The following GBF1 variants were observed in gnomAD, a reference collection of about 807,000 sequenced individuals.
GBF1 encodes the protein Golgi-specific brefeldin A-resistance guanine nucleotide exchange factor 1.
GBF1 carries 114 observed loss-of-function variants against 210.5 expected under a neutral mutation model. The ratio of observed to expected loss-of-function variants is 0.54; its 90% CI spans 0.47 to 0.63. The LOEUF (loss-of-function observed/expected upper bound fraction) is 0.63, where lower values mean the gene tolerates loss of function less well. GBF1 is among the 30% of genes least tolerant of loss of function. The pLI is 0.00. For missense variants in GBF1, 1,851 were observed against 2,357.7 expected, an observed-to-expected ratio of 0.79 and a Z score of 4.45; for synonymous variants, 850 against 889.2, an observed-to-expected ratio of 0.96 and a Z score of 0.78.
the GBF1 span, chr10:102,232,042 G>A: frequency 6.2e-7 from 1 of 1,605,596 alleles, no homozygotes; most frequent in Non-Finnish European, 8.5e-7. Flanking sequence ...ACAGGGCAGG[G>A]CTCCGGGCCT....
At chr10:102,287,327 T>G (rs1243372292) in intron 3 of GBF1, among the ~76,000 whole-genome samples, 3 of 147,844 alleles carry the variant, frequency 2.0e-5, no homozygotes, top group Non-Finnish European at 4.5e-5. Flanking sequence ...TTCACACAGT[T>G]TCTTTTATTT....
intron 3 of GBF1, among the ~76,000 whole-genome samples, chr10:102,282,325 GA>G (rs2075579262): frequency 6.6e-6 from 1 of 152,090 alleles, no homozygotes; most frequent in Non-Finnish European, 1.5e-5. Context: ...TCAGGTTCCA[GA>G]AAAATTAAGT....
intron 3 of GBF1, among the ~76,000 whole-genome samples, chr10:102,342,263 T>A (rs895845874): frequency 1.3e-5 from 2 of 152,068 alleles, no homozygotes; most frequent in Non-Finnish European, 2.9e-5. Context: ...GGTCTCGATC[T>A]CCTGACCTCG....
At chr10:102,337,246 T>TG (rs2057817315) in intron 3 of GBF1, among the ~76,000 whole-genome samples, 1 of 147,840 alleles carries the variant, frequency 6.8e-6, no homozygotes, top group African/African-American at 2.5e-5. Flanking sequence ...GGCATGGTGG[T>TG]GGGCGCCTGT....
intron 12 of GBF1, among the ~76,000 whole-genome samples, 153 bp downstream of exon 12, chr10:102,360,548 C>T (rs1449913476): frequency 6.6e-6 from 1 of 152,166 alleles, no homozygotes; most frequent in Non-Finnish European, 1.5e-5. Context: ...CAGTAGTTCC[C>T]CAGGGACTCT....
intron 22 of GBF1, 108 bp from the exon 23 acceptor site, chr10:102,368,630 GT>G (rs903459254): frequency 1.1e-6 from 1 of 876,474 alleles, no homozygotes; most frequent in African/African-American, 1.7e-5. Flanking sequence ...AAATTAAAAG[GT>G]TTCTTCCTGG....
Position 102,366,582 on chromosome 10 carries a change from C to CT in GBF1, c.2433+77dup. 4 of 847,700 alleles carry CT rather than the reference C, an allele frequency of 4.7e-6. No individual in the cohort carries two copies. Among genetic ancestry groups the CT allele is most frequent in the Non-Finnish European group, 5.2e-6 (3 of 577,890 alleles). 52.5% of individuals were successfully genotyped at this position (847,700 alleles called of 1,614,324 possible). ...GAGGGCTGAAGAATCCAGCTGCTGT[C>CT]TCTTTTTTTTTTTTTTTTTTTTGAG... On this transcript the variant is annotated intron_variant, in intron 19 of 39. Transcript: ENST00000369983. This position sits in a 1 kb window ranked among gnomAD's most constrained non-coding sequence, Gnocchi z 4.0.
intron 29 of GBF1, among the ~76,000 whole-genome samples, chr10:102,373,491 G>A (rs949657371): frequency 1.3e-5 from 2 of 152,194 alleles, no homozygotes; most frequent in African/African-American, 4.8e-5. Flanking sequence ...TGGGAGGATC[G>A]CTTGAACGCA....
chr10:102,285,934 A>G (rs1319379278), intron 3 of GBF1, among the ~76,000 whole-genome samples: 2 of 152,114 alleles, frequency 1.3e-5, no homozygotes, highest in Non-Finnish European at 2.9e-5. Flanking sequence ...ATTATAAATC[A>G]GAATACATTT....
chr10:102,255,462 G>T (rs1341903682), intron 1 of GBF1, among the ~76,000 whole-genome samples: 1 of 152,182 alleles, frequency 6.6e-6, no homozygotes, highest in African/African-American at 2.4e-5. Flanking sequence ...TTTAAAAGTA[G>T]TTAATAGGTA....
At chr10:102,288,722 G>GAAAAAAAA (rs1348947076) in intron 3 of GBF1, among the ~76,000 whole-genome samples, 2 of 83,686 alleles carry the variant, frequency 2.4e-5, no homozygotes, top group African/African-American at 5.2e-5. Flanking sequence ...CGTCTCAAAG[G>GAAAAAAAA]AAAAAAAAAA....
intron 2 of GBF1, among the ~76,000 whole-genome samples, chr10:102,259,813 G>A (rs113542216): frequency 6.6e-6 from 1 of 152,164 alleles, no homozygotes; most frequent in Admixed American, 6.5e-5. Context: ...GAGTGTTATG[G>A]TGATGATATA....
At chr10:102,311,094 C>A (rs778844628) in intron 3 of GBF1, among the ~76,000 whole-genome samples, 4 of 152,188 alleles carry the variant, frequency 2.6e-5, no homozygotes, top group African/African-American at 4.8e-5. Context: ...AGCATCTTTC[C>A]TCTGATGGCT....
chr10:102,328,121 C>T (rs2057039951), intron 3 of GBF1, among the ~76,000 whole-genome samples: 1 of 152,160 alleles, frequency 6.6e-6, no homozygotes, highest in African/African-American at 2.4e-5. Flanking sequence ...TTGTTTTCCC[C>T]ATCAGTAAAA....
At chr10:102,266,252 A>G (rs1279077067) in intron 3 of GBF1, among the ~76,000 whole-genome samples, 1 of 151,944 alleles carries the variant, frequency 6.6e-6, no homozygotes, top group Non-Finnish European at 1.5e-5. Context: ...AAAAAAAACT[A>G]AGGTGGTCTT....
chr10:102,327,597 A>G (rs943748353), intron 3 of GBF1, among the ~76,000 whole-genome samples: 1 of 152,112 alleles, frequency 6.6e-6, no homozygotes, highest in Non-Finnish European at 1.5e-5. Flanking sequence ...TCTTGTTTCT[A>G]TTCTTATTTC....
intron 3 of GBF1, among the ~76,000 whole-genome samples, chr10:102,322,872 A>C (rs890791761): frequency 6.6e-6 from 1 of 152,080 alleles, no homozygotes; most frequent in African/African-American, 2.4e-5. Context: ...AGCTGAGATC[A>C]CACCACTGTA....
At chr10:102,364,667 G>A (rs1167963506) in intron 17 of GBF1, among the ~76,000 whole-genome samples, 1 of 151,132 alleles carries the variant, frequency 6.6e-6, no homozygotes, top group Non-Finnish European at 1.5e-5. Flanking sequence ...TGGCTAACAC[G>A]ATGAAACCCC....
In GBF1 at chr10:102,361,026, T is replaced by C. The variant is rs1565158600; in HGVS notation, c.1397T>C (p.Leu466Pro). The part of the protein sequence containing the change: ...DEMCRHLFQL[L>P]SIERLNLYAA... ...CTACCCTGCTCTCATCTCCAGCTAC[T>C]CAGCATAGAGCGACTAAACCTTTAT... The change falls in exon 13 of 40, where the codon CTC becomes CCC. Residue 466 changes from leucine (L) to proline (P), a missense_variant. By Grantham distance (98) the Leu-to-Pro change is moderately conservative. This residue lies in a region of GBF1 where 804 missense variants were observed against 958.6 expected (regional missense o/e 0.84). Coordinates refer to ENST00000369983, the MANE Select transcript of GBF1 (RefSeq NM_001377137.1). 6.8e-7 allele frequency: 1 copy of C among 1,463,252 alleles called. No individual in the cohort carries two copies. Among genetic ancestry groups the C allele is most frequent in the Non-Finnish European group, 9.6e-7 (1 of 1,044,404 alleles). 90.6% of individuals were successfully genotyped at this position (1,463,252 alleles called of 1,614,324 possible). A position where few individuals can be genotyped will look rare whatever the true frequency, so the allele number is the denominator to read the frequency against.
Sources: gnomAD v4.1 joint callset for allele counts (sites outside exome capture counted in the v4.1 genomes callset) on GRCh38, gnomAD v4.1.1 for gene constraint, gnomAD v4.1.1 regional missense constraint, Gnocchi (gnomAD v3.1) non-coding constraint, MANE v1.5 for transcripts, NCBI Gene and HGNC (gene_info 2026-07-23, HGNC 2026-07-21) for gene names.